The following COMMD4 variants were observed in gnomAD, a reference collection of about 807,000 sequenced individuals.
The protein encoded by COMMD4 is COMM domain containing 4.
A neutral mutation model predicts 27.5 loss-of-function variants in COMMD4; 18 were observed. The observed-to-expected ratio is 0.65, with a 90% CI of 0.45 to 0.97. The LOEUF is 0.97. Among genes scored for constraint, COMMD4 ranks in the 50% least tolerant of loss-of-function variants. COMMD4 has a pLI of 0.00. For synonymous variants in COMMD4, 108 were observed against 108.4 expected (o/e 1.00, Z 0.02); for missense variants, 243 against 250.0 (o/e 0.97, Z 0.19).
rs1424517756 is a variant in COMMD4 at position 75,338,185 on chromosome 15, A to G, written c.75+52A>G. The G allele has an allele frequency of 4.5e-6, 7 of 1,549,956 alleles. No individual in the cohort carries two copies. The South Asian group carries it at 8.3e-5, about 18-fold the overall frequency. On this transcript the variant is annotated intron_variant, in intron 2 of 7. Coordinates refer to ENST00000267935, the MANE Select transcript of COMMD4 (RefSeq NM_017828.5). Reference sequence around the variant, plus strand: ...TGGAGGAGGGGTGTTGGGGGTGGGGATTGTGGGTGTAGAGGATGGTGAGGT... The same window carrying G: ...TGGAGGAGGGGTGTTGGGGGTGGGGGTTGTGGGTGTAGAGGATGGTGAGGT...
intron 4 of COMMD4, 29 bp from the exon 5 acceptor site, chr15:75,338,956 A>G (rs1213962794): frequency 1.9e-6 from 3 of 1,613,742 alleles, no homozygotes; most frequent in South Asian, 2.2e-5. Context: ...CCACAGTGAC[A>G]CCCCCTGCCC....
intron 1 of COMMD4, 56 bp from the exon 2 acceptor site, chr15:75,338,006 C>G: frequency 2.0e-6 from 3 of 1,536,088 alleles, no homozygotes; most frequent in South Asian, 1.2e-5. Flanking sequence ...ACACACGGAT[C>G]CTGGCCACAC....
Position 75,338,655 on chromosome 15 carries a change from A to G in COMMD4, c.151A>G (p.Ile51Val), listed in dbSNP as rs2071316528. The G allele has an allele frequency of 6.2e-7, 1 of 1,613,760 alleles. No homozygotes were observed. Among genetic ancestry groups the G allele is most frequent in the Non-Finnish European group, 8.5e-7 (1 of 1,179,760 alleles). The change falls in exon 4 of 8, where the codon ATC (isoleucine) becomes GTC (valine). Residue 51 changes from isoleucine (I) to valine (V), a missense_variant. Transcript: ENST00000267935. ...LLGQGIDYEK[I>V]LKLTADAKFE... is the part of the protein sequence containing the mutation. ...TCTCCTTTCCCCATAGTATGAGAAG[A>G]TCCTGAAGCTCACGGCTGACGCCAA...
intron 6 of COMMD4, 108 bp from the exon 7 acceptor site, chr15:75,339,594 C>G: frequency 7.7e-7 from 1 of 1,302,712 alleles, no homozygotes; most frequent in Non-Finnish European, 1.1e-6. Context: ...ATGGGAGCTT[C>G]TTAGAGGCCA....
chr15:75,340,231 G>C lies in COMMD4; in HGVS notation c.*226G>C, dbSNP rs563433120. 158 of 577,142 alleles carry C rather than the reference G, an allele frequency of 2.7e-4. No homozygotes were observed. The African/African-American group carries it at 2.8e-3, about 10-fold the overall frequency. The allele number at this position is 577,142 out of a possible 1,614,324, so 35.8% of individuals were successfully genotyped here. ...CCCTTCCCTTGAAAGGCAATTGTTG[G>C]CTGTTTTCATAAGCAGGAAAAATAA... On this transcript the variant is annotated 3_prime_UTR_variant, in exon 8 of 8. Transcript: ENST00000267935.
Position 75,340,038 on chromosome 15 carries a change from C to A in COMMD4, c.*33C>A. The A allele has an allele frequency of 1.2e-6, 2 of 1,612,546 alleles. No individual in the cohort carries two copies. Among genetic ancestry groups the A allele is most frequent in the Non-Finnish European group, 1.7e-6 (2 of 1,179,292 alleles). The stretch of plus-strand genomic sequence containing the variant: ...GGTGTTCCAGGCCTGTGTGGAGCCG[C>A]CCTGCCCGTATGGAGTCACGCCCTC... On this transcript the variant is annotated 3_prime_UTR_variant, in exon 8 of 8. Transcript: ENST00000267935.
rs761106753 is a variant in COMMD4, at chr15:75,338,052, TC to T, written c.4-7del. 3.1e-6 allele frequency: 5 copies of T among 1,602,560 alleles called. No individual in the cohort carries two copies. The East Asian group carries it at 9.0e-5, about 29-fold the overall frequency. ...CCTCCAGCCTGATTACCTGCCTCCC[TC>T]CCTTGCAGAGGTTCCGGTTCTGTGG... On this transcript the variant is annotated splice_polypyrimidine_tract_variant and intron_variant, in intron 1 of 7. Coordinates refer to ENST00000267935, the MANE Select transcript of COMMD4 (RefSeq NM_017828.5).
chr15:75,343,164 T>C (rs2071440815), downstream of COMMD4: 1 of 152,198 alleles, frequency 6.6e-6, no homozygotes. Flanking sequence ...AACATCACAC[T>C]GTACTCCATA....
downstream of COMMD4, chr15:75,342,589 G>A (rs1261581691): frequency 6.6e-6 from 1 of 152,128 alleles, no homozygotes; most frequent in Non-Finnish European, 1.5e-5. Flanking sequence ...GGTTAGCAGA[G>A]GCTGGAGGAG....
chr15:75,336,128 T>C (rs1292363366), intron 1 of COMMD4, 36 bp downstream of exon 1: 26 of 1,549,630 alleles, frequency 1.7e-5, no homozygotes, highest in African/African-American at 1.4e-5. Flanking sequence ...CTTGGGCTGC[T>C]GGAGCGGGAA....
intron 1 of COMMD4, chr15:75,336,327 T>G: frequency 2.2e-6 from 3 of 1,370,212 alleles, no homozygotes; most frequent in Non-Finnish European, 2.9e-6. Context: ...GTCCCGGTGC[T>G]TCCCTGGCGG....
At chr15:75,339,495 C>A in intron 6 of COMMD4, 151 bp downstream of exon 6, 1 of 1,303,316 alleles carries the variant, frequency 7.7e-7, no homozygotes, top group South Asian at 1.3e-5. Flanking sequence ...CTCCTGACTC[C>A]CCACAAGGTT....
chr15:75,336,289 T>A, intron 1 of COMMD4, 197 bp downstream of exon 1: 1 of 1,472,374 alleles, frequency 6.8e-7, no homozygotes, highest in Non-Finnish European at 9.0e-7. Flanking sequence ...ACGGGGCGGG[T>A]AAGACAGAGC....
intron 1 of COMMD4, chr15:75,336,322 G>T: frequency 7.1e-7 from 1 of 1,400,124 alleles, no homozygotes; most frequent in Admixed American, 3.0e-5. Flanking sequence ...TTAGAGTCCC[G>T]GTGCTTCCCT....
intron 1 of COMMD4, 92 bp from the exon 2 acceptor site, chr15:75,337,970 G>T: frequency 7.8e-7 from 1 of 1,284,436 alleles, no homozygotes. Context: ...GGGACCAGGG[G>T]TCCCTGGTGG....
chr15:75,341,338 A>G (rs2071426677), downstream of COMMD4: 3 of 152,320 alleles, frequency 2.0e-5, no homozygotes, highest in South Asian at 4.1e-4. Context: ...GGGTTGGCAC[A>G]TGGAGGGTAC....
chr15:75,338,397 G>A lies in COMMD4; in HGVS notation c.118G>A (p.Glu40Lys), dbSNP rs375176408. 6 of 1,600,838 alleles carry A rather than the reference G, an allele frequency of 3.7e-6. No individual in the cohort carries two copies. In the East Asian group the frequency reaches 9.0e-5, roughly 24 times the overall value. ...LRLLCSQVLK[E>K]LLGQGIDYEK... ...GCTGCTCTGCAGCCAGGTACTAAAG[G>A]AGCTGCTGGGACAGGGGATTGATGT... is the stretch of plus-strand genomic sequence containing the variant. Residue 40 changes from glutamate to lysine, a missense_variant, in exon 3 of 8, where the codon GAG (glutamate) becomes AAG (lysine). Transcript: ENST00000267935.
At chr15:75,337,075 G>T (rs1432913765) in intron 1 of COMMD4, 1 of 152,228 alleles carries the variant, frequency 6.6e-6, no homozygotes, top group Non-Finnish European at 1.5e-5. Context: ...TGTGTGAGGG[G>T]CTATTTTAAG....
chr15:75,340,499 T>A (rs1404871003), downstream of COMMD4, among the ~76,000 whole-genome samples: 1 of 152,220 alleles, frequency 6.6e-6, no homozygotes, highest in Non-Finnish European at 1.5e-5. Flanking sequence ...CTGCTGTCTT[T>A]GCCCCCTGGC....
Sources: gnomAD v4.1 joint callset for allele counts (sites outside exome capture counted in the v4.1 genomes callset) on GRCh38, gnomAD v4.1.1 for gene constraint, MANE v1.5 for transcripts, NCBI Gene and HGNC (gene_info 2026-07-23, HGNC 2026-07-21) for gene names.